The following SERP2 variants were observed in gnomAD, a reference collection of about 807,000 sequenced individuals.
The protein encoded by SERP2 is stress-associated endoplasmic reticulum protein 2.
Under a neutral mutation model 9.1 loss-of-function variants are expected in SERP2, and 6 were observed. The observed-to-expected ratio is 0.66, with a 90% CI of 0.36 to 1.30. The LOEUF (loss-of-function observed/expected upper bound fraction) is 1.30, where lower values mean the gene tolerates loss of function less well. Among genes scored for constraint, SERP2 ranks in the 50% most tolerant of loss-of-function variants. The pLI, the probability that SERP2 is intolerant of heterozygous loss-of-function variation, is 0.03. For synonymous variants in SERP2, 37 were observed against 27.3 expected (o/e 1.35, Z -1.10); for missense variants, 58 against 81.9 (o/e 0.71, Z 1.13).
At chr13:44,386,533 G>A (rs1031217393) in intron 2 of SERP2, among the ~76,000 whole-genome samples, 2 of 152,068 alleles carry the variant, frequency 1.3e-5, no homozygotes, top group African/African-American at 4.8e-5. Context: ...ACAGGCATGC[G>A]CCACCATGCC....
At chr13:44,391,821 A>G (rs1383802618) in intron 2 of SERP2, among the ~76,000 whole-genome samples, 1 of 151,680 alleles carries the variant, frequency 6.6e-6, no homozygotes, top group African/African-American at 2.4e-5. Flanking sequence ...GTGATCAAAG[A>G]AGGCTTCTCT....
intron 2 of SERP2, among the ~76,000 whole-genome samples, chr13:44,393,995 A>C (rs778900701): frequency 1.2e-4 from 19 of 152,236 alleles, no homozygotes; most frequent in Non-Finnish European, 2.4e-4. Context: ...CTGGACTCTT[A>C]TATGTTAATT....
chr13:44,391,819 A>G (rs534744088), intron 2 of SERP2, among the ~76,000 whole-genome samples: 37 of 152,296 alleles, frequency 2.4e-4, no homozygotes, highest in African/African-American at 7.7e-4. Flanking sequence ...AGGTGATCAA[A>G]GAAGGCTTCT....
rs569544199 is a variant in SERP2 at position 44,376,310 on chromosome 13, A to C, written c.84+2201A>C. ...TAAAAGTAACTTGCAAAAGATCACTATTCAGGATGAAATTCATTAAATGGG... is the reference window on the plus strand; with the variant it reads ...TAAAAGTAACTTGCAAAAGATCACTCTTCAGGATGAAATTCATTAAATGGG... On this transcript the variant is annotated intron_variant, in intron 1 of 2. Transcript: ENST00000379179. Among the ~76,000 whole-genome samples the C allele has an allele frequency of 1.7e-3, 255 of 152,376 alleles. 1 individual carries two copies. Among genetic ancestry groups the C allele is most frequent in the African/African-American group, 5.9e-3 (246 of 41,590 alleles).
rs546844583 is a variant in SERP2, at chr13:44,393,552, G to C, written c.158-3720G>C. On this transcript the variant is annotated intron_variant, in intron 2 of 2. Coordinates refer to ENST00000379179, the MANE Select transcript of SERP2 (RefSeq NM_001010897.3). Reference sequence around the variant, plus strand: ...GATCGCCTGCCCTGGAACGCCTGCTGTCCCTCCCTTTCTTGGCATCTCTCC... The same window carrying C: ...GATCGCCTGCCCTGGAACGCCTGCTCTCCCTCCCTTTCTTGGCATCTCTCC... Among the ~76,000 whole-genome samples the C allele has an allele frequency of 3.9e-5, 6 of 152,252 alleles. No individual in the cohort carries two copies. In the East Asian group the frequency reaches 1.2e-3, roughly 29 times the overall value.
chr13:44,392,574 T>G (rs1872844681), intron 2 of SERP2, among the ~76,000 whole-genome samples: 2 of 152,046 alleles, frequency 1.3e-5, no homozygotes, highest in Admixed American at 6.6e-5. Flanking sequence ...AATCACAAGA[T>G]TCCCAGGTAA....
At chr13:44,386,677 C>T (rs1162488765) in intron 2 of SERP2, among the ~76,000 whole-genome samples, 1 of 152,204 alleles carries the variant, frequency 6.6e-6, no homozygotes, top group Non-Finnish European at 1.5e-5. Context: ...GCCACCACAC[C>T]CAGACGGCTT....
chr13:44,378,274 G>C (rs1871774029), intron 1 of SERP2, among the ~76,000 whole-genome samples: 1 of 152,156 alleles, frequency 6.6e-6, no homozygotes, highest in Admixed American at 6.6e-5. Flanking sequence ...ATCAAAGGAA[G>C]ATTATCCTTT....
chr13:44,387,909 T>C (rs972325696), intron 2 of SERP2, among the ~76,000 whole-genome samples: 3 of 152,250 alleles, frequency 2.0e-5, no homozygotes, highest in Non-Finnish European at 4.4e-5. Flanking sequence ...TGATATTCAT[T>C]TCCTAATTAG....
At chr13:44,382,436 C>CAAAAAAAAAAAAAAAAAAAAAAAAAAAA in intron 2 of SERP2, among the ~76,000 whole-genome samples, 1 of 45,670 alleles carries the variant, frequency 2.2e-5, no homozygotes, top group Non-Finnish European at 3.8e-5. Context: ...GACTCCGTCT[C>CAAAAAAAAAAAAAAAAAAAAAAAAAAAA]AAAAAAAAAA....
At chr13:44,395,921 C>G (rs1168022679) in intron 2 of SERP2, 2 of 448,422 alleles carry the variant, frequency 4.5e-6, no homozygotes, top group Non-Finnish European at 9.0e-6. Context: ...AATGGGAGCC[C>G]AGAAGTGCAG....
chr13:44,394,542 A>G (rs868254366), intron 2 of SERP2, among the ~76,000 whole-genome samples: 6 of 152,364 alleles, frequency 3.9e-5, no homozygotes, highest in South Asian at 2.1e-4. Flanking sequence ...TACATGGACT[A>G]AGACACAGAT....
chr13:44,392,978 CAAGAG>C (rs1313157218), intron 2 of SERP2, among the ~76,000 whole-genome samples: 1 of 151,858 alleles, frequency 6.6e-6, no homozygotes, highest in Non-Finnish European at 1.5e-5. Flanking sequence ...AGGAAAGATC[CAAGAG>C]AAGGAGGAAA....
chr13:44,395,649 G>A, intron 2 of SERP2: 2 of 198,742 alleles, frequency 1.0e-5, no homozygotes, highest in South Asian at 7.2e-5. Context: ...CCCAAACTTA[G>A]CTAAGAAAAT....
intron 2 of SERP2, among the ~76,000 whole-genome samples, chr13:44,389,188 A>C (rs1366969300): frequency 6.6e-6 from 1 of 152,222 alleles, no homozygotes; most frequent in Non-Finnish European, 1.5e-5. Context: ...GGTGAAAGCC[A>C]CCACATTAGC....
chr13:44,388,139 CT>C (rs11357439), intron 2 of SERP2, among the ~76,000 whole-genome samples: 145,555 of 148,520 alleles, frequency 0.98, 71,333 homozygotes, highest in Non-Finnish European at 0.99. Context: ...GGTTTTTGGT[CT>C]TTTTTTTTTT....
At chr13:44,376,373 G>A (rs1871649075) in intron 1 of SERP2, among the ~76,000 whole-genome samples, 1 of 152,182 alleles carries the variant, frequency 6.6e-6, no homozygotes, top group Non-Finnish European at 1.5e-5. Context: ...CAGACTAATT[G>A]TTCAGAAATA....
intron 1 of SERP2, among the ~76,000 whole-genome samples, chr13:44,378,681 A>G (rs189637230): frequency 2.7e-5 from 4 of 150,382 alleles, no homozygotes; most frequent in Admixed American, 1.3e-4. Flanking sequence ...TTTTTTTTTC[A>G]CTCTCCCATT....
Position 44,376,770 on chromosome 13 carries a change from G to T in SERP2, c.84+2661G>T, listed in dbSNP as rs113762977. Among the ~76,000 whole-genome samples, 123 of 151,022 alleles carry T rather than the reference G, an allele frequency of 8.1e-4. 1 individual carries two copies. The highest frequency in any genetic ancestry group is 3.1e-3 in the South Asian group (15 of 4,784). On this transcript the variant is annotated intron_variant, in intron 1 of 2. Transcript: ENST00000379179. ...AGTCTGGGTGACAGAGCAAGACTCC[G>T]TCTAAAAAAAAAAAGGAAACAGAGA...
Sources: allele counts gnomAD v4.1 joint callset (sites outside exome capture counted in the v4.1 genomes callset), GRCh38; gene constraint gnomAD v4.1.1; transcripts MANE v1.5; gene names NCBI Gene and HGNC (gene_info 2026-07-23, HGNC 2026-07-21).